Variants in SMG8 observed in about 807,000 individuals in gnomAD.
SMG8 encodes SMG8 nonsense mediated mRNA decay factor, also known as nonsense-mediated mRNA decay factor SMG8.
SMG8 carries 49 observed loss-of-function variants against 82.1 expected under a neutral mutation model. The observed-to-expected ratio is 0.60, with a 90% CI of 0.47 to 0.76. The LOEUF is 0.76. Among genes scored for constraint, SMG8 ranks in the 30% least tolerant of loss-of-function variants. The pLI is 0.00. For synonymous variants in SMG8, 404 were observed against 430.0 expected (o/e 0.94, Z 0.75); for missense variants, 969 against 1,166.4 (o/e 0.83, Z 2.46).
chr17:59,212,921 G>C lies in SMG8; in HGVS notation c.2098G>C (p.Gly700Arg), dbSNP rs2046951811. 1 of 1,613,918 alleles carries C rather than the reference G, an allele frequency of 6.2e-7. No homozygotes were observed. Among genetic ancestry groups the C allele is most frequent in the African/African-American group, 1.3e-5 (1 of 74,862 alleles). The change falls in exon 3 of 4, where the codon GGC (glycine) becomes CGC (arginine). Residue 700 changes from glycine to arginine, a missense_variant. By Grantham distance (125) the Gly-to-Arg change is moderately radical (BLOSUM62 -2). This residue lies in a region of SMG8 where 662 missense variants were observed against 884.8 expected (regional missense o/e 0.75). Coordinates refer to ENST00000300917, the MANE Select transcript of SMG8 (RefSeq NM_018149.7). The stretch of plus-strand genomic sequence containing the variant: ...GAGCCTGAGTTTAGCTTTGAGTTTG[G>C]GCCAATCCACAGATAGCTTAGGTAC... ...STSLSLALSL[G>R]QSTDSLGTYP...
chr17:59,210,359 G>C lies in SMG8; in HGVS notation c.308G>C (p.Gly103Ala). Residue 103 changes from glycine (G) to alanine (A), a missense_variant, in exon 1 of 4, where the codon GGT (glycine) becomes GCT (alanine). Around this residue, in one of 3 missense-constraint regions of SMG8, gnomAD observed 206 missense variants for 190.5 expected, o/e 1.08. Transcript: ENST00000300917. Reference protein sequence around the residue: ...RTEAGAVGEAGGAEDPGAAAG... With the variant: ...RTEAGAVGEAAGAEDPGAAAG... ...GAGGCTGGCGCCGTGGGTGAGGCCGGTGGAGCCGAGGACCCTGGGGCTGCA... is the reference window on the plus strand; with the variant it reads ...GAGGCTGGCGCCGTGGGTGAGGCCGCTGGAGCCGAGGACCCTGGGGCTGCA... 1 of 1,611,734 alleles carries C rather than the reference G, an allele frequency of 6.2e-7. No homozygotes were observed. Among genetic ancestry groups the C allele is most frequent in the Non-Finnish European group, 8.5e-7 (1 of 1,179,140 alleles).
chr17:59,212,672 T>A (rs2046950772), intron 2 of SMG8, 57 bp from the exon 3 acceptor site: 1 of 1,521,774 alleles, frequency 6.6e-7, no homozygotes, highest in Non-Finnish European at 8.8e-7. Context: ...CTTGTTAGAA[T>A]GAAGAATATT....
chr17:59,211,807 T>C lies in SMG8; in HGVS notation c.1756T>C (p.Ser586Pro). The C allele has an allele frequency of 6.6e-7, 1 of 1,521,230 alleles. No individual in the cohort carries two copies. The highest frequency in any genetic ancestry group is 2.3e-5 in the East Asian group (1 of 43,698). 94.2% of individuals were successfully genotyped at this position (1,521,230 alleles called of 1,614,324 possible). Residue 586 changes from serine to proline, a missense_variant, in exon 1 of 4, where the codon TCA becomes CCA. Transcript: ENST00000300917. ...CVHKFHSLPK[S>P]GEKPEADRNP... ...GCACAAATTTCACTCATTACCTAAA[T>C]CAGGTAGCTAAAATTTGTTCAGCAT... is the stretch of plus-strand genomic sequence containing the variant.
In SMG8 at chr17:59,211,137, G is replaced by A; in HGVS notation, c.1086G>A (p.Lys362=). The change falls in exon 1 of 4, where the codon AAG becomes AAA. Residue 362 remains lysine (K), a synonymous_variant. Transcript: ENST00000300917. The part of the protein sequence containing the change: ...LDQLRSHCTV[K]DPESLLVPAP... Reference sequence around the variant, plus strand: ...AACTTAGGAGTCATTGTACTGTGAAGGACCCGGAATCTTTGCTGGTGCCTG... The same window carrying A: ...AACTTAGGAGTCATTGTACTGTGAAAGACCCGGAATCTTTGCTGGTGCCTG... 6.2e-7 allele frequency: 1 copy of A among 1,614,186 alleles called. No individual in the cohort carries two copies. The highest frequency in any genetic ancestry group is 1.3e-5 in the African/African-American group (1 of 75,070).
intron 3 of SMG8, 53 bp downstream of exon 3, chr17:59,213,654 G>T (rs909830730): frequency 6.6e-7 from 1 of 1,526,514 alleles, no homozygotes; most frequent in African/African-American, 1.4e-5. Context: ...GCTGATGTTT[G>T]TTTTGATTGA....
chr17:59,213,531 A>G lies in SMG8; in HGVS notation c.2708A>G (p.His903Arg). The change falls in exon 3 of 4, where the codon CAT becomes CGT. Residue 903 changes from histidine to arginine, a missense_variant. Physicochemically the swap from His to Arg is conservative, Grantham distance 29 (BLOSUM62 0). Around this residue, in one of 3 missense-constraint regions of SMG8, gnomAD observed 101 missense variants for 91.1 expected, o/e 1.11. Coordinates refer to ENST00000300917, the MANE Select transcript of SMG8 (RefSeq NM_018149.7). ...SSSQGRGLKP[H>R]YAQLMRLFVV... ...TCTCAAGGTAGAGGGCTGAAACCTC[A>G]TTATGCTCAACTTATGAGGCTTTTT... is the stretch of plus-strand genomic sequence containing the variant. The G allele has an allele frequency of 4.3e-6, 7 of 1,614,082 alleles. No individual in the cohort carries two copies. The highest frequency in any genetic ancestry group is 5.9e-6 in the Non-Finnish European group (7 of 1,179,916).
rs751425986 is a variant in SMG8 at position 59,213,557 on chromosome 17, G to A, written c.2734G>A (p.Val912Ile). The part of the protein sequence containing the change: ...PHYAQLMRLF[V>I]VVPDAPLQII... ...TTATGCTCAACTTATGAGGCTTTTTGTTGTGGTTCCTGATGCTCCTTTGCA... is the reference window on the plus strand; with the variant it reads ...TTATGCTCAACTTATGAGGCTTTTTATTGTGGTTCCTGATGCTCCTTTGCA... The change falls in exon 3 of 4, where the codon GTT (valine) becomes ATT (isoleucine). Residue 912 changes from valine (V) to isoleucine (I), a missense_variant. By Grantham distance (29) the Val-to-Ile change is conservative (BLOSUM62 3). Around this residue, in one of 3 missense-constraint regions of SMG8, gnomAD observed 101 missense variants for 91.1 expected, o/e 1.11. Coordinates refer to ENST00000300917, the MANE Select transcript of SMG8 (RefSeq NM_018149.7). 1.1e-4 allele frequency: 184 copies of A among 1,613,906 alleles called. 1 individual carries two copies. In the East Asian group the frequency reaches 1.6e-3, roughly 14 times the overall value.
Position 59,215,224 on chromosome 17 carries a change from A to G in SMG8, c.*222A>G, listed in dbSNP as rs2147865902. ...TTCTAATAAAGATTGGTTGTTCTAGAAAAGAATATAAAATACATGGATGAT... is the reference window on the plus strand; with the variant it reads ...TTCTAATAAAGATTGGTTGTTCTAGGAAAGAATATAAAATACATGGATGAT... On this transcript the variant is annotated 3_prime_UTR_variant, in exon 4 of 4. Transcript: ENST00000300917. 1 of 473,632 alleles carries G rather than the reference A, an allele frequency of 2.1e-6. No homozygotes were observed. The highest frequency in any genetic ancestry group is 3.4e-5 in the East Asian group (1 of 29,226). The allele number at this position is 473,632 out of a possible 1,614,324, so 29.3% of individuals were successfully genotyped here.
chr17:59,211,708 G>GA lies in SMG8; in HGVS notation c.1658dup (p.Asp554GlyfsTer14), dbSNP rs1185470746. 1 of 1,613,874 alleles carries GA rather than the reference G, an allele frequency of 6.2e-7. No homozygotes were observed. Among genetic ancestry groups the GA allele is most frequent in the Non-Finnish European group, 8.5e-7 (1 of 1,179,998 alleles). ...TCACAAATACGCCATGCAGTTACAT[G>GA]AGGACTGCTACAAATTTTGGAGCAA... On this transcript the variant is annotated frameshift_variant, in exon 1 of 4. Coordinates refer to ENST00000300917, the MANE Select transcript of SMG8 (RefSeq NM_018149.7). LOFTEE classifies it high-confidence loss of function.
At chr17:59,212,293 T>C (rs757347705) in intron 1 of SMG8, 48 bp from the exon 2 acceptor site, 1 of 1,499,004 alleles carries the variant, frequency 6.7e-7, no homozygotes, top group Non-Finnish European at 9.0e-7. Flanking sequence ...GCAAAGTAAA[T>C]TCGCACATTG....
At position 59,211,316 on chromosome 17, in the gene SMG8, T is replaced by C; in HGVS notation, c.1265T>C (p.Leu422Pro). 1 of 1,614,108 alleles carries C rather than the reference T, an allele frequency of 6.2e-7. No homozygotes were observed. The highest frequency in any genetic ancestry group is 1.1e-5 in the South Asian group (1 of 91,066). The change falls in exon 1 of 4, where the codon CTA becomes CCA. Residue 422 changes from leucine (L) to proline (P), a missense_variant. Around this residue, in one of 3 missense-constraint regions of SMG8, gnomAD observed 662 missense variants for 884.8 expected, o/e 0.75. Transcript: ENST00000300917. ...EFLWQHVELV[L>P]SKKGFDDSVG... ...CTATGGCAGCATGTGGAGCTAGTTC[T>C]AAGCAAGAAAGGTTTCGATGACAGT...
At chr17:59,211,892 T>C (rs1597951476) in intron 1 of SMG8, 82 bp downstream of exon 1, 15 of 1,244,688 alleles carry the variant, frequency 1.2e-5, no homozygotes, top group Non-Finnish European at 1.6e-5. Context: ...CTGTTCACTA[T>C]GTATTGATAT....
At chr17:59,213,629 A>C in intron 3 of SMG8, 28 bp downstream of exon 3, 2 of 1,549,838 alleles carry the variant, frequency 1.3e-6, no homozygotes, top group Non-Finnish European at 1.7e-6. Flanking sequence ...CTGCAGCCCC[A>C]AACAAGTAAA....
Position 59,211,573 on chromosome 17 carries a change from C to T in SMG8, c.1522C>T (p.His508Tyr). 6.2e-7 allele frequency: 1 copy of T among 1,614,140 alleles called. No individual in the cohort carries two copies. The highest frequency in any genetic ancestry group is 1.1e-5 in the South Asian group (1 of 91,074). The stretch of plus-strand genomic sequence containing the variant: ...ATGCCAAAAAGCTTTACCCATGGCC[C>T]ACAGTGCCTACCAGTCAAATTTGCC... ...NRCQKALPMA[H>Y]SAYQSNLPHN... The change falls in exon 1 of 4, where the codon CAC (histidine) becomes TAC (tyrosine). Residue 508 changes from histidine to tyrosine, a missense_variant. His to Tyr is a moderately conservative substitution (Grantham distance 83, BLOSUM62 2). Around this residue, in one of 3 missense-constraint regions of SMG8, gnomAD observed 662 missense variants for 884.8 expected, o/e 0.75. Coordinates refer to ENST00000300917, the MANE Select transcript of SMG8 (RefSeq NM_018149.7).
rs2046954172 is a variant in SMG8 at position 59,213,434 on chromosome 17, A to G, written c.2611A>G (p.Met871Val). 2 of 1,614,074 alleles carry G rather than the reference A, an allele frequency of 1.2e-6. No homozygotes were observed. The highest frequency in any genetic ancestry group is 2.2e-5 in the South Asian group (2 of 91,084). Reference sequence around the variant, plus strand: ...TGGGCCTGACAAAGTAATGAAAGTAATGGGAAGTGGGCCAAAGGAATCAGC... The same window carrying G: ...TGGGCCTGACAAAGTAATGAAAGTAGTGGGAAGTGGGCCAAAGGAATCAGC... ...CSGPDKVMKVMGSGPKESALK... is the reference protein window; with the variant it reads ...CSGPDKVMKVVGSGPKESALK... Residue 871 changes from methionine (M) to valine (V), a missense_variant, in exon 3 of 4, where the codon ATG (methionine) becomes GTG (valine). By Grantham distance (21) the Met-to-Val change is conservative. This residue lies in a region of SMG8 where 662 missense variants were observed against 884.8 expected (regional missense o/e 0.75). Coordinates refer to ENST00000300917, the MANE Select transcript of SMG8 (RefSeq NM_018149.7).
Position 59,213,000 on chromosome 17 carries a change from T to A in SMG8, c.2177T>A (p.Val726Glu), listed in dbSNP as rs1176799276. 3 of 1,613,988 alleles carry A rather than the reference T, an allele frequency of 1.9e-6. No homozygotes were observed. The African/African-American group carries it at 4.0e-5, about 22-fold the overall frequency. Reference protein sequence around the residue: ...GGDNPEVHGQVEVKTEKRPNF... With the variant: ...GGDNPEVHGQEEVKTEKRPNF... ...GATAATCCAGAAGTTCATGGTCAAG[T>A]AGAAGTGAAAACTGAGAAGAGGCCA... The change falls in exon 3 of 4, where the codon GTA becomes GAA. Residue 726 changes from valine (V) to glutamate (E), a missense_variant. Around this residue, in one of 3 missense-constraint regions of SMG8, gnomAD observed 662 missense variants for 884.8 expected, o/e 0.75. Coordinates refer to ENST00000300917, the MANE Select transcript of SMG8 (RefSeq NM_018149.7).
intron 2 of SMG8, 26 bp from the exon 3 acceptor site, chr17:59,212,703 T>C: frequency 6.4e-7 from 1 of 1,558,150 alleles, no homozygotes; most frequent in Non-Finnish European, 8.6e-7. Flanking sequence ...AAAAACTTAC[T>C]GGATTTTTTT....
At position 59,213,066 on chromosome 17, in the gene SMG8, C is replaced by CA; in HGVS notation, c.2244dup (p.Gly749ArgfsTer9). The CA allele has an allele frequency of 6.2e-7, 1 of 1,614,188 alleles. No individual in the cohort carries two copies. The highest frequency in any genetic ancestry group is 1.1e-5 in the South Asian group (1 of 91,082). ...CAGGCATCCACAGTTGAGTATCTCCCAGGCATGCTACATTCAAATTGCCCT... is the reference window on the plus strand; with the variant it reads ...CAGGCATCCACAGTTGAGTATCTCCCAAGGCATGCTACATTCAAATTGCCCT... On this transcript the variant is annotated frameshift_variant, in exon 3 of 4. Coordinates refer to ENST00000300917, the MANE Select transcript of SMG8 (RefSeq NM_018149.7). LOFTEE classifies it high-confidence loss of function.
At chr17:59,213,645 CTGA>C (rs1412899474) in intron 3 of SMG8, 44 bp downstream of exon 3, 1 of 1,536,342 alleles carries the variant, frequency 6.5e-7, no homozygotes, top group South Asian at 1.3e-5. Flanking sequence ...GTAAAAAATG[CTGA>C]TGTTTGTTTT....
Sources: allele counts gnomAD v4.1 joint callset, GRCh38; gene constraint gnomAD v4.1.1; regional missense constraint gnomAD v4.1.1; transcripts MANE v1.5; gene names NCBI Gene and HGNC (gene_info 2026-07-23, HGNC 2026-07-21).